Variants in MMS22L observed in about 807,000 individuals in gnomAD.
The protein encoded by MMS22L is protein MMS22-like.
MMS22L carries 74 observed loss-of-function variants against 159.1 expected under a neutral mutation model. The observed-to-expected ratio is 0.47, with a 90% CI of 0.39 to 0.56. The LOEUF is 0.56. MMS22L is among the 20% of genes least tolerant of loss of function. The pLI is 0.00. For synonymous variants in MMS22L, 517 were observed against 506.9 expected (o/e 1.02, Z -0.27); for missense variants, 1,351 against 1,422.1 (o/e 0.95, Z 0.80).
At chr6:97,159,952 T>TTG (rs1238123276) in intron 22 of MMS22L, among the ~76,000 whole-genome samples, 1 of 147,620 alleles carries the variant, frequency 6.8e-6, no homozygotes, top group Non-Finnish European at 1.5e-5. Context: ...ATTTCTGTTT[T>TTG]TTTTTTTTTT....
At chr6:97,168,716 G>A (rs959734059) in intron 19 of MMS22L, among the ~76,000 whole-genome samples, 6 of 152,070 alleles carry the variant, frequency 3.9e-5, no homozygotes, top group Non-Finnish European at 7.4e-5. Flanking sequence ...ACAAGGGCTA[G>A]TCAACCTGTT....
chr6:97,270,893 TAAAG>T (rs1362952157), intron 6 of MMS22L: 1 of 151,858 alleles, frequency 6.6e-6, no homozygotes, highest in Non-Finnish European at 1.5e-5. Context: ...TAACATGAAT[TAAAG>T]AAATAAAAGC....
At chr6:97,149,513 A>G (rs1023670476) in intron 24 of MMS22L, among the ~76,000 whole-genome samples, 1 of 152,204 alleles carries the variant, frequency 6.6e-6, no homozygotes, top group African/African-American at 2.4e-5. Flanking sequence ...AATTTTATTA[A>G]AAAACAAGAC....
At position 97,229,006 on chromosome 6, in the gene MMS22L, G is replaced by C; in HGVS notation, c.1927C>G (p.Pro643Ala). The part of the protein sequence containing the change: ...EVFETSYCLY[P>A]SHEKLLNDGF... ...TCATTAAGCAGTTTTTCATGGGAAG[G>C]ATACAAGCAATAGCTGGTCTCAAAC... The change falls in exon 14 of 25, where the codon CCT (proline) becomes GCT (alanine). Residue 643 changes from proline (P) to alanine (A), a missense_variant. Coordinates refer to ENST00000683635, the MANE Select transcript of MMS22L (RefSeq NM_001350599.2). 1 of 1,614,058 alleles carries C rather than the reference G, an allele frequency of 6.2e-7. No homozygotes were observed. Among genetic ancestry groups the C allele is most frequent in the East Asian group, 2.2e-5 (1 of 44,872 alleles).
In MMS22L at chr6:97,146,217, AATCCTTT is replaced by A. The variant is rs1355640084; in HGVS notation, c.*582_*588del. ...ACTTCTTTTTGGATATCAGCTGTAT[AATCCTTT>A]AGCCAGATTCAGTCTCATTCCTAAC... On this transcript the variant is annotated 3_prime_UTR_variant, in exon 25 of 25. Transcript: ENST00000683635. 6.6e-6 allele frequency: 1 copy of A among 152,114 alleles called. No homozygotes were observed. The highest frequency in any genetic ancestry group is 2.4e-5 in the African/African-American group (1 of 41,520). 9.4% of individuals were successfully genotyped at this position (152,114 alleles called of 1,614,324 possible). A position where few individuals can be genotyped will look rare whatever the true frequency, so the allele number is the denominator to read the frequency against.
chr6:97,157,613 G>T (rs1424797157), intron 22 of MMS22L, among the ~76,000 whole-genome samples: 1 of 152,120 alleles, frequency 6.6e-6, no homozygotes, highest in Non-Finnish European at 1.5e-5. Flanking sequence ...TTATGTGATG[G>T]ATTATGTTTA....
intron 14 of MMS22L, among the ~76,000 whole-genome samples, chr6:97,199,130 A>G (rs953482782): frequency 4.6e-5 from 7 of 152,116 alleles, no homozygotes; most frequent in African/African-American, 1.7e-4. Flanking sequence ...CACATTTTAC[A>G]TGTGGTTAGT....
intron 21 of MMS22L, among the ~76,000 whole-genome samples, chr6:97,163,791 A>G (rs1461713679): frequency 2.0e-5 from 3 of 152,106 alleles, no homozygotes; most frequent in African/African-American, 7.2e-5. Context: ...CGTGGGATTT[A>G]GCCCAAAAAA....
intron 14 of MMS22L, among the ~76,000 whole-genome samples, chr6:97,213,882 G>GGCTCTAGAA (rs1172471232): frequency 2.6e-5 from 4 of 152,030 alleles, no homozygotes; most frequent in African/African-American, 9.7e-5. Context: ...TTTCACCACA[G>GGCTCTAGAA]GCTCTAGAAG....
chr6:97,216,556 C>T (rs1282832145), intron 14 of MMS22L, among the ~76,000 whole-genome samples: 2 of 152,110 alleles, frequency 1.3e-5, no homozygotes, highest in African/African-American at 4.8e-5. Flanking sequence ...TAACCTATTC[C>T]ATAGTCAGAG....
intron 16 of MMS22L, among the ~76,000 whole-genome samples, chr6:97,180,429 A>T (rs907190312): frequency 1.6e-4 from 25 of 152,104 alleles, no homozygotes; most frequent in African/African-American, 5.8e-4. Context: ...CCCATTCATT[A>T]GTCAGGGTAG....
rs995527802 is a variant in MMS22L, at chr6:97,229,104, T to A, written c.1829A>T (p.Lys610Met). The A allele has an allele frequency of 3.1e-6, 5 of 1,614,070 alleles. No individual in the cohort carries two copies. The highest frequency in any genetic ancestry group is 1.1e-5 in the South Asian group (1 of 91,092). Reference protein sequence around the residue: ...REKAKEFLVSKNEEMVQRQTI... With the variant: ...REKAKEFLVSMNEEMVQRQTI... Reference sequence around the variant, plus strand: ...CTGTCTCTGTACCATTTCCTCATTCTTAGACACCAAGAATTCCTTTGCTTT... The same window carrying A: ...CTGTCTCTGTACCATTTCCTCATTCATAGACACCAAGAATTCCTTTGCTTT... The change falls in exon 14 of 25, where the codon AAG becomes ATG. Residue 610 changes from lysine to methionine, a missense_variant. Physicochemically the swap from Lys to Met is moderately conservative, Grantham distance 95. Transcript: ENST00000683635.
intron 24 of MMS22L, among the ~76,000 whole-genome samples, chr6:97,148,607 C>T (rs1302850315): frequency 6.6e-6 from 1 of 151,288 alleles, no homozygotes; most frequent in Non-Finnish European, 1.5e-5. Context: ...AAAGCTTATT[C>T]AAGAATATAA....
In MMS22L at chr6:97,146,699, ATTATT is replaced by A. The variant is rs2128229149; in HGVS notation, c.*102_*106del. The A allele has an allele frequency of 2.8e-6, 2 of 724,962 alleles. No individual in the cohort carries two copies. Among genetic ancestry groups the A allele is most frequent in the Admixed American group, 3.6e-5 (1 of 27,686 alleles). The allele number at this position is 724,962 out of a possible 1,614,324, so 44.9% of individuals were successfully genotyped here. A position where few individuals can be genotyped will look rare whatever the true frequency, so the allele number is the denominator to read the frequency against. On this transcript the variant is annotated 3_prime_UTR_variant, in exon 25 of 25. Transcript: ENST00000683635. The stretch of plus-strand genomic sequence containing the variant: ...TATAAAAGGAAAAAAAATCCTAGAA[ATTATT>A]TTAAACAGAACATTATACAATTAAT...
At chr6:97,196,345 A>G (rs550654052) in intron 14 of MMS22L, among the ~76,000 whole-genome samples, 1 of 152,322 alleles carries the variant, frequency 6.6e-6, no homozygotes, top group African/African-American at 2.4e-5. Context: ...GAAAGTTAAA[A>G]TAACATGAGT....
chr6:97,231,845 T>C (rs1438050765), intron 12 of MMS22L, among the ~76,000 whole-genome samples, 193 bp from the exon 13 acceptor site: 1 of 152,162 alleles, frequency 6.6e-6, no homozygotes, highest in Non-Finnish European at 1.5e-5. Context: ...AAATTTTGGA[T>C]TGTCCCCCAA....
At chr6:97,270,123 A>G in intron 6 of MMS22L, 131 bp from the exon 7 acceptor site, 1 of 680,078 alleles carries the variant, frequency 1.5e-6, no homozygotes. Flanking sequence ...TCAAAAGCTC[A>G]GGGAAAACCT....
At position 97,145,043 on chromosome 6, in the gene MMS22L, CACACACACACACACACACACACAA is replaced by C. The variant is rs1455474006; in HGVS notation, c.*1739_*1762del. ...AAAAACCCACACACACACACACACA[CACACACACACACACACACACACAA>C]AAACACATATACACATAAATAACCT... On this transcript the variant is annotated 3_prime_UTR_variant, in exon 25 of 25. Transcript: ENST00000683635. 6.9e-6 allele frequency: 1 copy of C among 144,564 alleles called. No individual in the cohort carries two copies. The highest frequency in any genetic ancestry group is 1.5e-5 in the Non-Finnish European group (1 of 66,984). The allele number at this position is 144,564 out of a possible 1,614,324, so 9.0% of individuals were successfully genotyped here.
intron 12 of MMS22L, among the ~76,000 whole-genome samples, chr6:97,233,543 G>T (rs1203044186): frequency 6.6e-6 from 1 of 152,078 alleles, no homozygotes; most frequent in Non-Finnish European, 1.5e-5. Context: ...GGACAGCAGT[G>T]CCTGTTCAAT....
Sources: gnomAD v4.1 joint callset for allele counts (sites outside exome capture counted in the v4.1 genomes callset) on GRCh38, gnomAD v4.1.1 for gene constraint, MANE v1.5 for transcripts, NCBI Gene and HGNC (gene_info 2026-07-23, HGNC 2026-07-21) for gene names.